The following BECN1 variants were observed in gnomAD, a reference collection of about 807,000 sequenced individuals.
BECN1 encodes the protein beclin-1.
Under a neutral mutation model 60.1 loss-of-function variants are expected in BECN1, and 15 were observed. That is an observed-to-expected ratio of 0.25 (90% CI 0.17 to 0.38). BECN1 has a LOEUF of 0.38. Among genes scored for constraint, BECN1 ranks in the 10% least tolerant of loss-of-function variants. BECN1 has a pLI of 1.00. For synonymous variants in BECN1, 179 were observed against 201.8 expected (o/e 0.89, Z 0.96); for missense variants, 424 against 548.2 (o/e 0.77, Z 2.26).
At position 42,814,633 on chromosome 17, in the gene BECN1, C is replaced by A; in HGVS notation, c.871G>T (p.Gly291Cys). Residue 291 changes from glycine to cysteine, a missense_variant, in exon 9 of 12, where the codon GGT becomes TGT. Physicochemically the swap from Gly to Cys is radical, Grantham distance 159 (BLOSUM62 -3). This residue lies in a region of BECN1 where 326 missense variants were observed against 406.2 expected (regional missense o/e 0.80). Coordinates refer to ENST00000590099, the MANE Select transcript of BECN1 (RefSeq NM_001313998.2). ...TCCACGGGAACACTGGGCAGGCGAC[C>A]CAGCCTGAAGTTATTGATTGTGCCA... ...QFGTINNFRL[G>C]RLPSVPVEWN... 1 of 1,614,180 alleles carries A rather than the reference C, an allele frequency of 6.2e-7. No homozygotes were observed. The highest frequency in any genetic ancestry group is 1.1e-5 in the South Asian group (1 of 91,078).
intron 3 of BECN1, 35 bp from the exon 4 acceptor site, chr17:42,819,644 C>A (rs1460656657): frequency 1.9e-6 from 3 of 1,604,662 alleles, no homozygotes; most frequent in Non-Finnish European, 1.7e-6. Flanking sequence ...ACAACTCTGG[C>A]AGCTTAGAGG....
In BECN1 at chr17:42,824,205, G is replaced by A. The variant is rs1465900290; in HGVS notation, c.-53C>T. 10 of 416,244 alleles carry A rather than the reference G, an allele frequency of 2.4e-5. No individual in the cohort carries two copies. Among genetic ancestry groups the A allele is most frequent in the Non-Finnish European group, 3.8e-5 (9 of 234,750 alleles). 25.8% of individuals were successfully genotyped at this position (416,244 alleles called of 1,614,324 possible). ...AAGTCCGGTCTACCGCGGAGGCACT[G>A]TGGCCTCGGGTCGGCCCCGGAGCGA... On this transcript the variant is annotated 5_prime_UTR_variant, in exon 1 of 12. Coordinates refer to ENST00000590099, the MANE Select transcript of BECN1 (RefSeq NM_001313998.2).
At position 42,818,290 on chromosome 17, in the gene BECN1, C is replaced by T. The variant is rs141389235; in HGVS notation, c.614G>A (p.Arg205His). 285 of 1,614,100 alleles carry T rather than the reference C, an allele frequency of 1.8e-4. No individual in the cohort carries two copies. Among genetic ancestry groups the T allele is most frequent in the Middle Eastern group, 6.6e-4 (4 of 6,084 alleles). The part of the protein sequence containing the change: ...IQELEDVEKN[R>H]KIVAENLEKV... Reference sequence around the variant, plus strand: ...CTCGAGATTTTCTGCCACTATCTTGCGGTTCTTTTCCACGTCTTCCAGCTC... The same window carrying T: ...CTCGAGATTTTCTGCCACTATCTTGTGGTTCTTTTCCACGTCTTCCAGCTC... The change falls in exon 7 of 12, where the codon CGC becomes CAC. Residue 205 changes from arginine (R) to histidine (H), a missense_variant. This residue lies in a region of BECN1 where 326 missense variants were observed against 406.2 expected (regional missense o/e 0.80). Coordinates refer to ENST00000590099, the MANE Select transcript of BECN1 (RefSeq NM_001313998.2).
intron 11 of BECN1, 82 bp from the exon 12 acceptor site, chr17:42,811,010 A>G (rs912835349): frequency 1.5e-6 from 2 of 1,350,202 alleles, no homozygotes; most frequent in African/African-American, 2.9e-5. Flanking sequence ...TCATGGGACC[A>G]TTCACGTCAT....
chr17:42,812,716 G>A (rs887988019), intron 10 of BECN1: 7 of 149,428 alleles, frequency 4.7e-5, no homozygotes, highest in East Asian at 2.0e-4. Flanking sequence ...GTGAGACTCC[G>A]TCTCAAAATA....
chr17:42,823,490 G>A (rs1269508593), intron 2 of BECN1, among the ~76,000 whole-genome samples: 1 of 152,198 alleles, frequency 6.6e-6, no homozygotes, highest in Admixed American at 6.5e-5. Context: ...CTGACCTCAG[G>A]TGATCTGCCC....
intron 3 of BECN1, 26 bp from the exon 4 acceptor site, chr17:42,819,635 C>A: frequency 6.2e-7 from 1 of 1,609,810 alleles, no homozygotes; most frequent in Non-Finnish European, 8.5e-7. Flanking sequence ...GAGGGCATTA[C>A]AACTCTGGCA....
At chr17:42,820,950 A>C in intron 2 of BECN1, 109 bp from the exon 3 acceptor site, 1 of 956,684 alleles carries the variant, frequency 1.0e-6, no homozygotes, top group Admixed American at 2.1e-5. Context: ...CTCACCTCCA[A>C]TTTTTCTTAA....
rs2055339567 is a variant in BECN1, at chr17:42,824,167, G to A, written c.-15C>T. On this transcript the variant is annotated 5_prime_UTR_variant, in exon 1 of 12. Transcript: ENST00000590099. Reference sequence around the variant, plus strand: ...CGATGCTCTTCACCTCGGGAGCCCGGAGCCCGTCACCCAAGTCCGGTCTAC... The same window carrying A: ...CGATGCTCTTCACCTCGGGAGCCCGAAGCCCGTCACCCAAGTCCGGTCTAC... The A allele has an allele frequency of 1.6e-5, 7 of 433,738 alleles. No individual in the cohort carries two copies. Among genetic ancestry groups the A allele is most frequent in the Admixed American group, 4.2e-5 (1 of 24,006 alleles). The allele number at this position is 433,738 out of a possible 1,614,324, so 26.9% of individuals were successfully genotyped here.
intron 11 of BECN1, 57 bp downstream of exon 11, chr17:42,811,598 T>C: frequency 6.4e-7 from 1 of 1,565,142 alleles, no homozygotes; most frequent in Non-Finnish European, 8.7e-7. Context: ...TTACTGCTGC[T>C]TCAATTCTGT....
intron 7 of BECN1, among the ~76,000 whole-genome samples, chr17:42,816,963 C>T (rs1170070314): frequency 6.6e-6 from 1 of 151,766 alleles, no homozygotes; most frequent in Non-Finnish European, 1.5e-5. Flanking sequence ...GAGTGAGACT[C>T]TGTCTCAAAA....
intron 4 of BECN1, 92 bp from the exon 5 acceptor site, chr17:42,818,969 C>T: frequency 1.4e-6 from 2 of 1,409,320 alleles, no homozygotes; most frequent in African/African-American, 1.4e-5. Context: ...TCTCAAGCAC[C>T]AGCTGAGGGG....
At chr17:42,824,042 A>T (rs2055335480) in intron 1 of BECN1, 113 bp downstream of exon 1, 1 of 920,416 alleles carries the variant, frequency 1.1e-6, no homozygotes, top group Non-Finnish European at 1.6e-6. Context: ...CTTCCGGGAC[A>T]GCCTGAGCAA....
chr17:42,815,803 G>A (rs1238361153), intron 8 of BECN1, 105 bp downstream of exon 8: 5 of 1,451,530 alleles, frequency 3.4e-6, no homozygotes, highest in Non-Finnish European at 4.8e-6. Flanking sequence ...GTTGGGTGAA[G>A]ATAACCTACA....
At chr17:42,820,027 T>C (rs2055229275) in intron 3 of BECN1, among the ~76,000 whole-genome samples, 1 of 152,214 alleles carries the variant, frequency 6.6e-6, no homozygotes, top group African/African-American at 2.4e-5. Flanking sequence ...AGATTACTCA[T>C]ATGTGACCAA....
Position 42,816,055 on chromosome 17 carries a change from C to A in BECN1, c.684-1G>T. 6.3e-7 allele frequency: 1 copy of A among 1,580,428 alleles called. No individual in the cohort carries two copies. On this transcript the variant is annotated splice_acceptor_variant, in intron 7 of 11. Coordinates refer to ENST00000590099, the MANE Select transcript of BECN1 (RefSeq NM_001313998.2). LOFTEE classifies it high-confidence loss of function. ...AAATTCACTGTATTCTCTCTGATAC[C>A]TGTGAGCAGCCAAGGGGGCCATTGA... is the stretch of plus-strand genomic sequence containing the variant.
chr17:42,822,151 C>A (rs1462451405), intron 2 of BECN1, among the ~76,000 whole-genome samples: 1 of 152,046 alleles, frequency 6.6e-6, no homozygotes. Context: ...TGCAGTGAGC[C>A]GAGATCGCGC....
rs200901530 is a variant in BECN1 at position 42,818,451 on chromosome 17, C to T, written c.489-36G>A. 52 of 1,612,350 alleles carry T rather than the reference C, an allele frequency of 3.2e-5. No homozygotes were observed. In the East Asian group the frequency reaches 8.2e-4, roughly 26 times the overall value. ...CACAGGCAGACTATACTTACTAGAG[C>T]TCCATTTGCCTGAGTGGAGTACGGC... On this transcript the variant is annotated intron_variant, in intron 6 of 11. Coordinates refer to ENST00000590099, the MANE Select transcript of BECN1 (RefSeq NM_001313998.2).
rs1597923767 is a variant in BECN1 at position 42,811,041 on chromosome 17, T to C, written c.1185-113A>G. On this transcript the variant is annotated intron_variant, in intron 11 of 11. Coordinates refer to ENST00000590099, the MANE Select transcript of BECN1 (RefSeq NM_001313998.2). ...GTCATTTTATCTATTAAAGAACACT[T>C]GGTGAGGAATGATAGTGTATTTTGG... 3.6e-6 allele frequency: 4 copies of C among 1,110,286 alleles called. No individual in the cohort carries two copies. In the East Asian group the frequency reaches 1.0e-4, roughly 28 times the overall value. 68.8% of individuals were successfully genotyped at this position (1,110,286 alleles called of 1,614,324 possible). A position where few individuals can be genotyped will look rare whatever the true frequency, so the allele number is the denominator to read the frequency against.
Sources: allele counts gnomAD v4.1 joint callset (sites outside exome capture counted in the v4.1 genomes callset), GRCh38; gene constraint gnomAD v4.1.1; regional missense constraint gnomAD v4.1.1; transcripts MANE v1.5; gene names NCBI Gene and HGNC (gene_info 2026-07-23, HGNC 2026-07-21).